The following CCDC171 variants were observed in gnomAD, a reference collection of about 807,000 sequenced individuals.
CCDC171 encodes the protein coiled-coil domain-containing protein 171.
A neutral mutation model predicts 168.2 loss-of-function variants in CCDC171; 177 were observed. That is an observed-to-expected ratio of 1.05 (90% CI 0.93 to 1.19). CCDC171 has a LOEUF of 1.19. CCDC171 is among the 50% of genes most tolerant of loss of function. The pLI, the probability that CCDC171 is intolerant of heterozygous loss-of-function variation, is 0.00. For missense variants in CCDC171, 1,991 were observed against 1,539.0 expected (o/e 1.29, Z -4.91); for synonymous variants, 687 against 540.8 (o/e 1.27, Z -3.75).
chr9:15,872,854 A>AG (rs967710580), intron 23 of CCDC171, among the ~76,000 whole-genome samples: 26 of 152,176 alleles, frequency 1.7e-4, no homozygotes, highest in African/African-American at 6.0e-4. Flanking sequence ...GACAAAAAAA[A>AG]GCAAGAGAAG....
chr9:16,087,453 T>C, the CCDC171 span, among the ~76,000 whole-genome samples: 5 of 152,222 alleles, frequency 3.3e-5, no homozygotes, highest in Non-Finnish European at 5.9e-5. Context: ...TTAGCTCTTC[T>C]TGTTGCATTG....
At chr9:15,688,830 C>A (rs1414886657) in intron 10 of CCDC171, among the ~76,000 whole-genome samples, 1 of 152,142 alleles carries the variant, frequency 6.6e-6, no homozygotes, top group Non-Finnish European at 1.5e-5. Flanking sequence ...GTCTGTTCAA[C>A]ATTTTACTGG....
chr9:15,886,232 A>G (rs1392154049), intron 24 of CCDC171: 2 of 152,198 alleles, frequency 1.3e-5, no homozygotes, highest in Non-Finnish European at 2.9e-5. Flanking sequence ...TAAACTGTAT[A>G]TCCAGTAAGG....
chr9:16,074,537 G>A, the CCDC171 span, among the ~76,000 whole-genome samples: 3 of 152,140 alleles, frequency 2.0e-5, no homozygotes, highest in Non-Finnish European at 2.9e-5. Flanking sequence ...TCCTCACAGT[G>A]CTTACCATCT....
chr9:15,578,753 A>G lies in CCDC171; in HGVS notation c.178-96A>G, dbSNP rs956690632. ...AAATTTATAAATTTTTGCCTTGTAT[A>G]TATTATGGAAACAAGTTTCTCTAAG... On this transcript the variant is annotated intron_variant, in intron 3 of 25. Transcript: ENST00000380701. 8.5e-5 allele frequency: 80 copies of G among 941,710 alleles called. 1 individual carries two copies. The highest frequency in any genetic ancestry group is 6.9e-4 in the African/African-American group (41 of 59,574). 58.3% of individuals were successfully genotyped at this position (941,710 alleles called of 1,614,324 possible).
At chr9:15,618,004 G>A (rs1202867773) in intron 6 of CCDC171, among the ~76,000 whole-genome samples, 1 of 151,786 alleles carries the variant, frequency 6.6e-6, no homozygotes, top group African/African-American at 2.4e-5. Flanking sequence ...ACTTGAGGAG[G>A]CAGTCTGTCC....
intron 11 of CCDC171, among the ~76,000 whole-genome samples, chr9:15,699,019 G>C (rs1056844472): frequency 6.6e-6 from 1 of 152,170 alleles, no homozygotes; most frequent in East Asian, 1.9e-4. Flanking sequence ...GGATCATATT[G>C]TGTCCGGAAT....
In CCDC171 at chr9:15,579,590, C is replaced by T. The variant is rs78457418; in HGVS notation, c.352+567C>T. ...TATAAAAATAAATGTGCCTAGATAG[C>T]GATATCACTCATAACAAGCACCCAG... On this transcript the variant is annotated intron_variant, in intron 4 of 25. Transcript: ENST00000380701. Among the ~76,000 whole-genome samples, 15 of 152,190 alleles carry T rather than the reference C, an allele frequency of 9.9e-5. No individual in the cohort carries two copies. In the East Asian group the frequency reaches 1.4e-3, roughly 14 times the overall value.
At chr9:16,104,367 C>G in the CCDC171 span, among the ~76,000 whole-genome samples, 4 of 152,070 alleles carry the variant, frequency 2.6e-5, no homozygotes, top group African/African-American at 7.2e-5. Flanking sequence ...TCCAGCTGCC[C>G]GTGGTCTGTG....
chr9:15,881,361 A>G (rs1489478445), intron 24 of CCDC171, among the ~76,000 whole-genome samples: 1 of 152,132 alleles, frequency 6.6e-6, no homozygotes, highest in Non-Finnish European at 1.5e-5. Context: ...TGCATAATAG[A>G]TGTACATGGT....
chr9:15,949,832 C>T (rs1470835734), intron 25 of CCDC171, among the ~76,000 whole-genome samples: 1 of 152,168 alleles, frequency 6.6e-6, no homozygotes, highest in African/African-American at 2.4e-5. Context: ...GCCAGAACTT[C>T]TAACACTATG....
chr9:16,048,799 G>T lies in CCDC171; in HGVS notation n.89+5913G>T, dbSNP rs574644018. Among the ~76,000 whole-genome samples the T allele has an allele frequency of 1.2e-4, 18 of 152,158 alleles. No individual in the cohort carries two copies. The East Asian group carries it at 3.1e-3, about 26-fold the overall frequency. ...CATCCACCTTAAAGAGTTATTGTGGGAATTTAAATGAGTTATTAGAACAGT... is the reference window on the plus strand; with the variant it reads ...CATCCACCTTAAAGAGTTATTGTGGTAATTTAAATGAGTTATTAGAACAGT... On this transcript the variant is annotated intron_variant and non_coding_transcript_variant, in intron 1 of 1. Transcript: ENST00000478913.
intron 10 of CCDC171, among the ~76,000 whole-genome samples, chr9:15,686,393 G>C (rs1484317341): frequency 1.3e-5 from 2 of 151,982 alleles, no homozygotes; most frequent in African/African-American, 4.8e-5. Flanking sequence ...CAGGGTTTTT[G>C]ATGATCATTA....
intron 7 of CCDC171, among the ~76,000 whole-genome samples, chr9:15,645,039 C>T (rs1292615764): frequency 5.3e-5 from 8 of 152,206 alleles, no homozygotes; most frequent in East Asian, 1.9e-4. Context: ...CCCTCTGTGA[C>T]GAAGCTTCCA....
intron 4 of CCDC171, among the ~76,000 whole-genome samples, chr9:16,022,068 C>A (rs367976165): frequency 6.6e-6 from 1 of 152,124 alleles, no homozygotes; most frequent in East Asian, 1.9e-4. Flanking sequence ...GGACAGTTTA[C>A]AGAACAAGGG....
chr9:15,938,442 A>T (rs908611357), intron 25 of CCDC171, among the ~76,000 whole-genome samples: 3 of 151,166 alleles, frequency 2.0e-5, no homozygotes, highest in Non-Finnish European at 4.4e-5. Flanking sequence ...AAAAATCCTA[A>T]TTTTTTTTTC....
chr9:15,664,620 G>A (rs866769643), intron 8 of CCDC171, among the ~76,000 whole-genome samples: 17 of 126,876 alleles, frequency 1.3e-4, no homozygotes, highest in Admixed American at 1.3e-3. Context: ...CCTTTTTACA[G>A]CTACATATAA....
In CCDC171 at chr9:15,937,496, T is replaced by C. The variant is rs1347829385; in HGVS notation, c.3753+17074T>C. On this transcript the variant is annotated intron_variant, in intron 25 of 25. Transcript: ENST00000380701. ...ATTGTCACTGGTATAAATATAACTA[T>C]GTATTGTAAGGAGTTCCAATTCCAT... Among the ~76,000 whole-genome samples the C allele has an allele frequency of 2.6e-5, 4 of 152,010 alleles. No homozygotes were observed. In the South Asian group the frequency reaches 6.2e-4, roughly 24 times the overall value.
chr9:15,970,828 T>C (rs180893804), intron 25 of CCDC171, among the ~76,000 whole-genome samples: 43 of 152,244 alleles, frequency 2.8e-4, no homozygotes, highest in African/African-American at 9.4e-4. Context: ...GACATAAAGA[T>C]GGAAACAATA....
Sources: allele counts gnomAD v4.1 joint callset (sites outside exome capture counted in the v4.1 genomes callset), GRCh38; gene constraint gnomAD v4.1.1; transcripts MANE v1.5; gene names NCBI Gene and HGNC (gene_info 2026-07-23, HGNC 2026-07-21).